The following NCKAP5 variants were observed in gnomAD, a reference collection of about 807,000 sequenced individuals.
The protein encoded by NCKAP5 is NCK associated protein 5.
In NCKAP5, 92 loss-of-function variants were observed where a neutral mutation model predicts 167.0. The ratio of observed to expected loss-of-function variants is 0.55; its 90% CI spans 0.47 to 0.66. NCKAP5 has a LOEUF of 0.66. Ranked by LOEUF, NCKAP5 falls within the 30% of genes least tolerant of loss-of-function variation. The probability of loss-of-function intolerance (pLI) is 0.00; values close to 1 mark genes in which losing one functional copy is unlikely to be tolerated. For synonymous variants in NCKAP5, 891 were observed against 877.4 expected (o/e 1.02, Z -0.27); for missense variants, 2,378 against 2,315.0 (o/e 1.03, Z -0.56).
At chr2:132,856,922 T>C (rs2105517419) in intron 11 of NCKAP5, among the ~76,000 whole-genome samples, 1 of 152,320 alleles carries the variant, frequency 6.6e-6, no homozygotes, top group Admixed American at 6.5e-5. Context: ...GTTTAAATCC[T>C]TGGTCTGTCA....
At chr2:133,391,900 CGCTAGAATGAATTGGGAGA>C (rs1298428426) in intron 3 of NCKAP5, among the ~76,000 whole-genome samples, 1 of 152,182 alleles carries the variant, frequency 6.6e-6, no homozygotes, top group Non-Finnish European at 1.5e-5. Context: ...CTCCAGCCCC[CGCTAGAATGAATTGGGAGA>C]CCAAGATTGC....
At chr2:132,837,996 T>C (rs1271337031) in intron 11 of NCKAP5, among the ~76,000 whole-genome samples, 1 of 152,172 alleles carries the variant, frequency 6.6e-6, no homozygotes, top group African/African-American at 2.4e-5. Flanking sequence ...CATGAATACT[T>C]AAGCTTAACT....
intron 8 of NCKAP5, among the ~76,000 whole-genome samples, chr2:132,948,227 G>A (rs186050716): frequency 9.2e-5 from 14 of 152,226 alleles, no homozygotes; most frequent in South Asian, 4.2e-4. Flanking sequence ...TGGTACAAGC[G>A]GGGCTTCAAG....
At position 132,790,004 on chromosome 2, in the gene NCKAP5, C is replaced by G; in HGVS notation, c.1092+19G>C. ...AAGAGGATTCTTTTCTGGTTCATTC[C>G]GATGCCACAGTGCCTTACCCTTTTC... On this transcript the variant is annotated intron_variant, in intron 13 of 19. Coordinates refer to ENST00000409261, the MANE Select transcript of NCKAP5 (RefSeq NM_207363.3). The G allele has an allele frequency of 6.3e-7, 1 of 1,591,980 alleles. No individual in the cohort carries two copies. The highest frequency in any genetic ancestry group is 1.7e-5 in the Admixed American group (1 of 58,446).
intron 16 of NCKAP5, among the ~76,000 whole-genome samples, chr2:132,741,066 C>A (rs1679141511): frequency 6.6e-6 from 1 of 152,112 alleles, no homozygotes; most frequent in African/African-American, 2.4e-5. Context: ...AATGCCCACA[C>A]AGACCATGCC....
chr2:132,912,394 T>C (rs1162952300), intron 8 of NCKAP5, among the ~76,000 whole-genome samples: 1 of 152,182 alleles, frequency 6.6e-6, no homozygotes, highest in Non-Finnish European at 1.5e-5. Flanking sequence ...TTTTTCAGAA[T>C]ATATAGATAG....
At chr2:132,687,727 A>G (rs1001878832) in intron 19 of NCKAP5, among the ~76,000 whole-genome samples, 15 of 138,818 alleles carry the variant, frequency 1.1e-4, no homozygotes, top group Non-Finnish European at 2.2e-4. Flanking sequence ...ACACACACAC[A>G]CACACACACA....
At chr2:133,206,454 CA>C (rs2085957123) in intron 5 of NCKAP5, among the ~76,000 whole-genome samples, 1 of 152,134 alleles carries the variant, frequency 6.6e-6, no homozygotes, top group Admixed American at 6.5e-5. Context: ...GGACATTTAT[CA>C]CTTCCCTAAT....
intron 3 of NCKAP5, among the ~76,000 whole-genome samples, chr2:133,398,543 T>C (rs1400211493): frequency 6.6e-6 from 1 of 152,216 alleles, no homozygotes; most frequent in Non-Finnish European, 1.5e-5. Flanking sequence ...CCAATGATGA[T>C]GGCCAATGAC....
chr2:133,357,388 T>C (rs945930356), intron 3 of NCKAP5, among the ~76,000 whole-genome samples: 1 of 151,808 alleles, frequency 6.6e-6, no homozygotes, highest in Non-Finnish European at 1.5e-5. Flanking sequence ...ATAGAATAAA[T>C]TCTTATGTGC....
intron 8 of NCKAP5, among the ~76,000 whole-genome samples, chr2:132,950,095 A>G (rs2076139692): frequency 6.6e-6 from 1 of 152,184 alleles, no homozygotes; most frequent in African/African-American, 2.4e-5. Flanking sequence ...CTCCTTTTCA[A>G]AAACAATAAA....
chr2:133,622,359 A>G, the NCKAP5 span, among the ~76,000 whole-genome samples: 6 of 152,172 alleles, frequency 3.9e-5, no homozygotes, highest in Admixed American at 6.5e-5. Flanking sequence ...CTGTTTGCTG[A>G]TGATATGATT....
intron 3 of NCKAP5, among the ~76,000 whole-genome samples, chr2:133,482,870 T>C (rs1468002366): frequency 6.6e-6 from 1 of 152,190 alleles, no homozygotes; most frequent in African/African-American, 2.4e-5. Context: ...GAAATCGTTG[T>C]CTTTTTTTGT....
intron 2 of NCKAP5, among the ~76,000 whole-genome samples, chr2:133,546,682 A>C (rs1258332933): frequency 2.0e-5 from 3 of 152,126 alleles, no homozygotes; most frequent in Non-Finnish European, 4.4e-5. Context: ...AACAAAACAA[A>C]AAAACAAAAC....
intron 3 of NCKAP5, among the ~76,000 whole-genome samples, chr2:133,471,415 A>G (rs1679293263): frequency 6.6e-6 from 1 of 152,196 alleles, no homozygotes; most frequent in East Asian, 1.9e-4. Context: ...CCTAGGAAAA[A>G]GCAAATGACA....
intron 3 of NCKAP5, among the ~76,000 whole-genome samples, chr2:133,469,166 A>G (rs906369653): frequency 9.2e-5 from 14 of 151,642 alleles, no homozygotes; most frequent in African/African-American, 2.7e-4. Context: ...TCCTTTCCAT[A>G]TTTAGCGCTT....
At chr2:133,528,387 A>G (rs1015947104) in intron 2 of NCKAP5, among the ~76,000 whole-genome samples, 1 of 152,094 alleles carries the variant, frequency 6.6e-6, no homozygotes, top group Non-Finnish European at 1.5e-5. Context: ...TCAGGAATAA[A>G]AGGAGTTCTA....
At chr2:132,701,133 C>T (rs1687844323) in intron 19 of NCKAP5, among the ~76,000 whole-genome samples, 2 of 151,896 alleles carry the variant, frequency 1.3e-5, no homozygotes, top group South Asian at 4.1e-4. Flanking sequence ...AAAAGCTATT[C>T]CTTGTTTATC....
intron 11 of NCKAP5, among the ~76,000 whole-genome samples, chr2:132,851,633 G>A (rs1013299190): frequency 3.9e-5 from 6 of 152,152 alleles, no homozygotes; most frequent in South Asian, 2.1e-4. Context: ...CCCTGGATGC[G>A]TCTATTTGCC....
Sources: gnomAD v4.1 joint callset for allele counts (sites outside exome capture counted in the v4.1 genomes callset) on GRCh38, gnomAD v4.1.1 for gene constraint, MANE v1.5 for transcripts, NCBI Gene and HGNC (gene_info 2026-07-23, HGNC 2026-07-21) for gene names.